The following RGS6 variants were observed in gnomAD, a reference collection of about 807,000 sequenced individuals.
RGS6 encodes regulator of G protein signaling 6.
Under a neutral mutation model 78.5 loss-of-function variants are expected in RGS6, and 30 were observed. The ratio of observed to expected loss-of-function variants is 0.38; its 90% CI spans 0.29 to 0.52. The LOEUF (loss-of-function observed/expected upper bound fraction) is 0.52, where lower values mean the gene tolerates loss of function less well. Among genes scored for constraint, RGS6 ranks in the 20% least tolerant of loss-of-function variants. The pLI is 0.85. For synonymous variants in RGS6, 206 were observed against 206.0 expected (o/e 1.00, Z 0.00); for missense variants, 495 against 609.7 (o/e 0.81, Z 1.98).
chr14:72,204,974 C>T (rs557156403), intron 2 of RGS6, among the ~76,000 whole-genome samples: 19 of 152,334 alleles, frequency 1.2e-4, no homozygotes, highest in South Asian at 6.2e-4. Flanking sequence ...TTTTCCTGCA[C>T]GGCTTCTCAG....
the RGS6 span, among the ~76,000 whole-genome samples, chr14:72,597,558 T>G: frequency 0.42 from 64,179 of 152,096 alleles, 14,612 homozygotes; most frequent in East Asian, 0.76. Flanking sequence ...ATAGATGTTT[T>G]GTCCATGTAA....
At chr14:72,093,986 A>G (rs1225537573) in intron 2 of RGS6, among the ~76,000 whole-genome samples, 1 of 152,192 alleles carries the variant, frequency 6.6e-6, no homozygotes, top group African/African-American at 2.4e-5. Context: ...AAGTAATTAA[A>G]GATATGTATG....
intron 15 of RGS6, among the ~76,000 whole-genome samples, chr14:72,527,034 G>A (rs1238982292): frequency 6.6e-6 from 1 of 152,184 alleles, no homozygotes; most frequent in African/African-American, 2.4e-5. Flanking sequence ...AGCCCTCAAC[G>A]CTTTACCAGG....
At chr14:72,361,475 G>A (rs1271356824) in intron 3 of RGS6, among the ~76,000 whole-genome samples, 1 of 152,190 alleles carries the variant, frequency 6.6e-6, no homozygotes, top group African/African-American at 2.4e-5. Flanking sequence ...TAAGAGAGCT[G>A]AAAATATAGT....
intron 2 of RGS6, among the ~76,000 whole-genome samples, chr14:72,049,122 G>A (rs1395726585): frequency 6.6e-6 from 1 of 152,176 alleles, no homozygotes; most frequent in Non-Finnish European, 1.5e-5. Flanking sequence ...TTTCTTAGGT[G>A]TGTATTTGTG....
intron 13 of RGS6, among the ~76,000 whole-genome samples, chr14:72,498,928 C>G (rs8004158): frequency 0.065 from 9,878 of 152,178 alleles, 1,005 homozygotes; most frequent in African/African-American, 0.22. Flanking sequence ...AGGTTCCCCT[C>G]TGGGTCCCGG....
intron 13 of RGS6, among the ~76,000 whole-genome samples, chr14:72,498,137 C>A (rs1287195242): frequency 1.3e-5 from 2 of 152,174 alleles, no homozygotes; most frequent in African/African-American, 4.8e-5. Flanking sequence ...ATTTCCAAGA[C>A]TTCTTAATAC....
At chr14:72,027,234 A>AGT (rs374536815) in intron 2 of RGS6, among the ~76,000 whole-genome samples, 8 of 150,996 alleles carry the variant, frequency 5.3e-5, no homozygotes, top group Non-Finnish European at 7.4e-5. Context: ...AGAGAGAGAG[A>AGT]GTGTGTGTGT....
At chr14:72,364,765 G>A (rs1014602258) in intron 3 of RGS6, among the ~76,000 whole-genome samples, 3 of 152,164 alleles carry the variant, frequency 2.0e-5, no homozygotes, top group African/African-American at 7.2e-5. Context: ...AATGGAAGAA[G>A]GCAAGAAGAT....
rs140463345 is a variant in RGS6 at position 72,277,906 on chromosome 14, C to T, written c.85-74189C>T. On this transcript the variant is annotated intron_variant, in intron 2 of 17. Transcript: ENST00000553525. ...TCATGCCACTGCACTCCAGCCTGGA[C>T]GACAACGAGACTATGTCTCAAAATA... is the stretch of plus-strand genomic sequence containing the variant. Among the ~76,000 whole-genome samples the T allele has an allele frequency of 2.5e-3, 377 of 152,174 alleles. 2 individuals are homozygous for T. Among genetic ancestry groups the T allele is most frequent in the African/African-American group, 6.5e-3 (270 of 41,528 alleles).
intron 2 of RGS6, among the ~76,000 whole-genome samples, chr14:72,293,491 C>T (rs1030022127): frequency 4.6e-5 from 7 of 152,084 alleles, no homozygotes; most frequent in African/African-American, 7.2e-5. Flanking sequence ...CTCCCCTTTC[C>T]GCTTTCCCAC....
intron 2 of RGS6, among the ~76,000 whole-genome samples, chr14:72,208,381 T>G (rs1167935208): frequency 6.6e-6 from 1 of 152,216 alleles, no homozygotes; most frequent in Non-Finnish European, 1.5e-5. Context: ...TGACCAGCTC[T>G]TCCTCCAATT....
At chr14:71,954,742 GATTTTTAGC>G (rs2092655301) in intron 1 of RGS6, among the ~76,000 whole-genome samples, 1 of 152,188 alleles carries the variant, frequency 6.6e-6, no homozygotes, top group South Asian at 2.1e-4. Context: ...CAGTGTTTTT[GATTTTTAGC>G]ATTTCCTTTT....
At chr14:72,172,886 G>A (rs1490862383) in intron 2 of RGS6, among the ~76,000 whole-genome samples, 1 of 152,154 alleles carries the variant, frequency 6.6e-6, no homozygotes, top group South Asian at 2.1e-4. Context: ...CTGAGCTATG[G>A]TGACATTTCA....
chr14:71,990,146 G>A (rs968370358), intron 2 of RGS6, among the ~76,000 whole-genome samples: 17 of 152,002 alleles, frequency 1.1e-4, no homozygotes, highest in African/African-American at 3.4e-4. Context: ...ATCCCATCTC[G>A]CCAGAGTGAG....
chr14:72,286,881 T>G (rs1410483239), intron 2 of RGS6, among the ~76,000 whole-genome samples: 1 of 152,044 alleles, frequency 6.6e-6, no homozygotes, highest in Non-Finnish European at 1.5e-5. Context: ...CCTCTCAGGT[T>G]CAAGCAATTC....
intron 2 of RGS6, among the ~76,000 whole-genome samples, chr14:72,021,551 C>G (rs923092766): frequency 4.0e-5 from 6 of 148,236 alleles, no homozygotes; most frequent in Middle Eastern, 3.5e-3. Flanking sequence ...TCACTGCAAG[C>G]TCTGCCTCCT....
chr14:72,540,569 G>C (rs763095933), intron 17 of RGS6: 1 of 1,541,190 alleles, frequency 6.5e-7, no homozygotes, highest in Non-Finnish European at 8.7e-7. Context: ...TAATGTTGCT[G>C]TGTAGGCGGC....
intron 16 of RGS6, 88 bp from the exon 17 acceptor site, chr14:72,539,953 G>T (rs2097299784): frequency 8.6e-7 from 1 of 1,159,012 alleles, no homozygotes; most frequent in Non-Finnish European, 1.2e-6. Context: ...TTCTTTAGCT[G>T]CAGCTGCTGC....
Sources: gnomAD v4.1 joint callset for allele counts (sites outside exome capture counted in the v4.1 genomes callset) on GRCh38, gnomAD v4.1.1 for gene constraint, MANE v1.5 for transcripts, NCBI Gene and HGNC (gene_info 2026-07-23, HGNC 2026-07-21) for gene names.